ERCC4: variants seen among roughly 807,000 people sequenced by gnomAD.
The protein encoded by ERCC4 is DNA repair endonuclease XPF.
ERCC4 carries 65 observed loss-of-function variants against 76.9 expected under a neutral mutation model. The observed-to-expected ratio is 0.84, with a 90% CI of 0.69 to 1.04. The LOEUF (loss-of-function observed/expected upper bound fraction) is 1.04. Ranked by LOEUF, ERCC4 falls within the 50% of genes least tolerant of loss-of-function variation. The pLI is 0.00. For missense variants in ERCC4, 1,214 were observed against 1,128.2 expected, an observed-to-expected ratio of 1.08 and a Z score of -1.09; for synonymous variants, 463 against 410.1, an observed-to-expected ratio of 1.13 and a Z score of -1.56.
intron 9 of ERCC4, among the ~76,000 whole-genome samples, chr16:13,939,077 T>C (rs1186285606): frequency 6.6e-6 from 1 of 152,222 alleles, no homozygotes; most frequent in Non-Finnish European, 1.5e-5. Context: ...TCTATGGGAT[T>C]GTTTATGTCG....
chr16:13,948,286 T>C lies in ERCC4; in HGVS notation c.2690T>C (p.Leu897Pro), dbSNP rs2032564146. The C allele has an allele frequency of 1.2e-6, 2 of 1,614,042 alleles. No homozygotes were observed. The highest frequency in any genetic ancestry group is 2.7e-5 in the African/African-American group (2 of 75,036). ...GGGAATGCTGCAAATGCCAAACAGC[T>C]TTATGATTTCATTCACACCTCTTTT... ...ILGNAANAKQ[L>P]YDFIHTSFAE... The change falls in exon 11 of 11, where the codon CTT becomes CCT. Residue 897 changes from leucine (L) to proline (P), a missense_variant. Transcript: ENST00000311895.
chr16:13,945,442 A>G (rs1244309855), intron 10 of ERCC4, among the ~76,000 whole-genome samples: 1 of 152,180 alleles, frequency 6.6e-6, no homozygotes, highest in East Asian at 1.9e-4. Context: ...CCATTCCCCA[A>G]ATTCCTATTT....
At chr16:13,936,176 T>C (rs999961876) in intron 8 of ERCC4, among the ~76,000 whole-genome samples, 1 of 152,110 alleles carries the variant, frequency 6.6e-6, no homozygotes, top group African/African-American at 2.4e-5. Flanking sequence ...AAAACTAAAG[T>C]GTTGGGGGAA....
intron 10 of ERCC4, among the ~76,000 whole-genome samples, chr16:13,945,044 G>A (rs1236284536): frequency 1.3e-5 from 2 of 152,212 alleles, no homozygotes; most frequent in East Asian, 3.8e-4. Flanking sequence ...TGTGTCATCT[G>A]CGAATCATGT....
chr16:13,943,902 G>C (rs953117089), intron 9 of ERCC4: 1 of 152,158 alleles, frequency 6.6e-6, no homozygotes, highest in Admixed American at 6.5e-5. Context: ...TACTCTTTCT[G>C]TGATTATTGA....
chr16:13,930,916 T>C (rs1178280807), intron 5 of ERCC4, 26 bp downstream of exon 5: 1 of 1,496,460 alleles, frequency 6.7e-7, no homozygotes, highest in Admixed American at 1.7e-5. Context: ...ACTAATAATA[T>C]TCTAAGAGCT....
At chr16:13,937,054 G>A (rs939830038) in intron 8 of ERCC4, among the ~76,000 whole-genome samples, 1 of 151,356 alleles carries the variant, frequency 6.6e-6, no homozygotes, top group African/African-American at 2.4e-5. Context: ...CAAGTGGCTG[G>A]GACTACAGGC....
chr16:13,922,411 T>A, intron 2 of ERCC4, 200 bp downstream of exon 2: 1 of 761,068 alleles, frequency 1.3e-6, no homozygotes, highest in Non-Finnish European at 2.4e-6. Flanking sequence ...CTTGCAGGCT[T>A]CACAAGATCG....
chr16:13,923,869 T>A lies in ERCC4; in HGVS notation c.388+1658T>A, dbSNP rs181664152. Among the ~76,000 whole-genome samples the A allele has an allele frequency of 3.5e-3, 536 of 152,266 alleles. 6 individuals are homozygous for A. Among genetic ancestry groups the A allele is most frequent in the East Asian group, 2.7e-3 (14 of 5,182 alleles). ...TATTTTTTAAATTGATTTAAAAAAATTTTTTTGTTGTGTTTAAAACTACCA... is the reference window on the plus strand; with the variant it reads ...TATTTTTTAAATTGATTTAAAAAAAATTTTTTGTTGTGTTTAAAACTACCA... On this transcript the variant is annotated intron_variant, in intron 2 of 10. Transcript: ENST00000311895.
intron 9 of ERCC4, among the ~76,000 whole-genome samples, chr16:13,940,422 A>T (rs2032391206): frequency 6.6e-6 from 1 of 152,154 alleles, no homozygotes; most frequent in Non-Finnish European, 1.5e-5. Flanking sequence ...AAAATCAGCA[A>T]AGGGAAAAGG....
At position 13,920,256 on chromosome 16, in the gene ERCC4, G is replaced by A. The variant is rs996650792; in HGVS notation, c.91G>A (p.Gly31Arg). ...GGTGCTGGAACTGCTCGACACTGAC[G>A]GGCTAGTAGTGTGCGCCCGCGGGCT... Reference protein sequence around the residue: ...QLVLELLDTDGLVVCARGLGA... With the variant: ...QLVLELLDTDRLVVCARGLGA... Residue 31 changes from glycine (G) to arginine (R), a missense_variant, in exon 1 of 11, where the codon GGG becomes AGG. Transcript: ENST00000311895. The A allele has an allele frequency of 1.2e-6, 2 of 1,607,268 alleles. No homozygotes were observed. The highest frequency in any genetic ancestry group is 2.7e-5 in the African/African-American group (2 of 74,926).
intron 8 of ERCC4, among the ~76,000 whole-genome samples, chr16:13,936,630 C>G (rs2032300177): frequency 6.6e-6 from 1 of 152,246 alleles, no homozygotes; most frequent in Non-Finnish European, 1.5e-5. Flanking sequence ...CAACCACTTA[C>G]TCTATCAACG....
intron 4 of ERCC4, among the ~76,000 whole-genome samples, chr16:13,929,898 A>G (rs1221271094): frequency 6.6e-6 from 1 of 152,194 alleles, no homozygotes; most frequent in Admixed American, 6.5e-5. Context: ...TGGGAGGCGG[A>G]GGTTGCAGTG....
intron 9 of ERCC4, among the ~76,000 whole-genome samples, chr16:13,943,677 C>T (rs2032458412): frequency 6.6e-6 from 1 of 151,960 alleles, no homozygotes; most frequent in Non-Finnish European, 1.5e-5. Context: ...TTGATGGTTC[C>T]TCTTCTGTTC....
chr16:13,931,178 T>G, intron 5 of ERCC4: 1 of 377,088 alleles, frequency 2.7e-6, no homozygotes, highest in Non-Finnish European at 4.8e-6. Flanking sequence ...AGAAATAGGT[T>G]GTGTTCTGGA....
In ERCC4 at chr16:13,924,658, A is replaced by G. The variant is rs116176705; in HGVS notation, c.389-1903A>G. Among the ~76,000 whole-genome samples the G allele has an allele frequency of 1.6e-3, 238 of 152,246 alleles. 1 individual carries two copies. Among genetic ancestry groups the G allele is most frequent in the African/African-American group, 5.3e-3 (221 of 41,530 alleles). On this transcript the variant is annotated intron_variant, in intron 2 of 10. Coordinates refer to ENST00000311895, the MANE Select transcript of ERCC4 (RefSeq NM_005236.3). ...TTTAGGCAAGTTTCTTAATTTCTCT[A>G]TGCCTCAGCTTACTCACCCGTACAT...
At chr16:13,934,466 A>C in intron 7 of ERCC4, 164 bp downstream of exon 7, 1 of 620,578 alleles carries the variant, frequency 1.6e-6, no homozygotes, top group East Asian at 2.8e-5. Context: ...AGACAAATAA[A>C]TGGCAAATGA....
At chr16:13,939,671 G>A (rs2032376164) in intron 9 of ERCC4, among the ~76,000 whole-genome samples, 1 of 152,148 alleles carries the variant, frequency 6.6e-6, no homozygotes, top group Non-Finnish European at 1.5e-5. Flanking sequence ...AAGGGACTTA[G>A]GTATGTTTGT....
chr16:13,947,957 A>G lies in ERCC4; in HGVS notation c.2361A>G (p.Lys787=), dbSNP rs763726880. ...TCTCCAGCAATGACATTAGTTCCAAACTCACTCTTCTTACACTTCACTTCC... is the reference window on the plus strand; with the variant it reads ...TCTCCAGCAATGACATTAGTTCCAAGCTCACTCTTCTTACACTTCACTTCC... ...QEISSNDISS[K]LTLLTLHFPR... Residue 787 remains lysine (K), a synonymous_variant, in exon 11 of 11, where the codon AAA becomes AAG. Transcript: ENST00000311895. The G allele has an allele frequency of 3.1e-6, 5 of 1,613,698 alleles. No homozygotes were observed. The highest frequency in any genetic ancestry group is 1.6e-4 in the Middle Eastern group (1 of 6,062).
Sources: allele counts gnomAD v4.1 joint callset (sites outside exome capture counted in the v4.1 genomes callset), GRCh38; gene constraint gnomAD v4.1.1; transcripts MANE v1.5; gene names NCBI Gene and HGNC (gene_info 2026-07-23, HGNC 2026-07-21).